Variants in GULP1 observed in about 807,000 individuals in gnomAD.
GULP1 encodes PTB domain-containing engulfment adapter protein 1.
In GULP1, 19 loss-of-function variants were observed where a neutral mutation model predicts 40.9. The ratio of observed to expected loss-of-function variants is 0.46; its 90% confidence interval spans 0.32 to 0.68. The LOEUF is 0.68. Ranked by LOEUF, GULP1 falls within the 30% of genes least tolerant of loss-of-function variation. The pLI is 0.03. For synonymous variants in GULP1, 119 were observed against 117.6 expected (o/e 1.01, Z -0.08); for missense variants, 312 against 362.2 (o/e 0.86, Z 1.12).
intron 2 of GULP1, among the ~76,000 whole-genome samples, chr2:188,449,477 A>C (rs2058663187): frequency 6.6e-6 from 1 of 152,188 alleles, no homozygotes; most frequent in Non-Finnish European, 1.5e-5. Context: ...GTGTAGAATG[A>C]ATACTAATTA....
intron 1 of GULP1, among the ~76,000 whole-genome samples, chr2:188,321,964 A>G (rs2040049013): frequency 6.6e-6 from 1 of 152,100 alleles, no homozygotes; most frequent in Admixed American, 6.6e-5. Flanking sequence ...GCAGTGAGCC[A>G]AGATCGAGCA....
intron 2 of GULP1, among the ~76,000 whole-genome samples, chr2:188,477,093 C>G (rs563254315): frequency 6.6e-6 from 1 of 152,166 alleles, no homozygotes; most frequent in South Asian, 2.1e-4. Flanking sequence ...ATTTAGATCC[C>G]ATGCTATATC....
chr2:188,413,469 G>C (rs957515792), intron 2 of GULP1, among the ~76,000 whole-genome samples: 5 of 152,014 alleles, frequency 3.3e-5, no homozygotes, highest in African/African-American at 1.2e-4. Context: ...TGTGTCTTTT[G>C]GCTGCATAAA....
chr2:188,478,339 T>C (rs962612455), intron 3 of GULP1, among the ~76,000 whole-genome samples: 1 of 152,118 alleles, frequency 6.6e-6, no homozygotes, highest in Admixed American at 6.6e-5. Flanking sequence ...CAAACTATTT[T>C]ATGATGCACT....
At chr2:188,484,322 T>G (rs2061683224) in intron 4 of GULP1, among the ~76,000 whole-genome samples, 1 of 152,166 alleles carries the variant, frequency 6.6e-6, no homozygotes, top group South Asian at 2.1e-4. Flanking sequence ...TCTTTAAAGA[T>G]TTCATTTGTT....
chr2:188,308,334 A>G (rs999321776), intron 1 of GULP1, among the ~76,000 whole-genome samples: 8 of 152,226 alleles, frequency 5.3e-5, no homozygotes, highest in African/African-American at 1.7e-4. Context: ...TTGTAAATGT[A>G]CATGGGAAAG....
chr2:188,577,830 A>G (rs983617522), intron 9 of GULP1, among the ~76,000 whole-genome samples: 1 of 152,098 alleles, frequency 6.6e-6, no homozygotes, highest in African/African-American at 2.4e-5. Flanking sequence ...GATATTGAAG[A>G]TACATTATAA....
At chr2:188,324,576 A>G (rs926341905) in intron 1 of GULP1, among the ~76,000 whole-genome samples, 1 of 152,032 alleles carries the variant, frequency 6.6e-6, no homozygotes, top group Non-Finnish European at 1.5e-5. Context: ...TATTTAAACA[A>G]TTTAAATTGG....
intron 5 of GULP1, among the ~76,000 whole-genome samples, chr2:188,526,818 A>G (rs1686275458): frequency 6.6e-6 from 1 of 152,252 alleles, no homozygotes; most frequent in South Asian, 2.1e-4. Context: ...TATCTGCAAA[A>G]CTAATTACTA....
intron 1 of GULP1, among the ~76,000 whole-genome samples, chr2:188,315,170 C>T (rs368044598): frequency 7.2e-5 from 11 of 152,110 alleles, no homozygotes; most frequent in South Asian, 2.1e-4. Flanking sequence ...GAAATTGTAA[C>T]GAAGGAAAAG....
chr2:188,578,444 G>A (rs935842488), intron 9 of GULP1, among the ~76,000 whole-genome samples: 1 of 151,770 alleles, frequency 6.6e-6, no homozygotes, highest in African/African-American at 2.4e-5. Context: ...TAGATGACAG[G>A]TTGATAGGTG....
chr2:188,392,087 C>A (rs2050603957), intron 2 of GULP1, among the ~76,000 whole-genome samples: 1 of 151,902 alleles, frequency 6.6e-6, no homozygotes, highest in South Asian at 2.1e-4. Flanking sequence ...TTATTATGTC[C>A]TTTCCTCACT....
At chr2:188,449,432 C>T (rs1185720784) in intron 2 of GULP1, among the ~76,000 whole-genome samples, 2 of 152,074 alleles carry the variant, frequency 1.3e-5, no homozygotes, top group Non-Finnish European at 2.9e-5. Context: ...CCTGCAACCC[C>T]AATACATCTA....
chr2:188,592,165 T>C (rs1703689815), intron 11 of GULP1: 1 of 151,976 alleles, frequency 6.6e-6, no homozygotes, highest in Admixed American at 6.6e-5. Flanking sequence ...GATAACACAT[T>C]GACAAATAGT....
At chr2:188,388,018 T>C (rs2152531693) in intron 2 of GULP1, among the ~76,000 whole-genome samples, 1 of 151,834 alleles carries the variant, frequency 6.6e-6, no homozygotes, top group South Asian at 2.1e-4. Context: ...CTCCTAATGC[T>C]ATCCCTCCCG....
At chr2:188,539,525 CTAAG>C (rs1689878090) in intron 6 of GULP1, among the ~76,000 whole-genome samples, 1 of 152,092 alleles carries the variant, frequency 6.6e-6, no homozygotes, top group Non-Finnish European at 1.5e-5. Flanking sequence ...CCATCAAAAG[CTAAG>C]TAAGTCAAGC....
chr2:188,364,025 A>C (rs1426509164), intron 1 of GULP1, among the ~76,000 whole-genome samples: 1 of 152,204 alleles, frequency 6.6e-6, no homozygotes, highest in Non-Finnish European at 1.5e-5. Flanking sequence ...CATTCAGTGC[A>C]CTTAATGTGT....
chr2:188,424,760 A>G (rs62183213), intron 2 of GULP1, among the ~76,000 whole-genome samples: 73,619 of 151,566 alleles, frequency 0.49, 18,338 homozygotes, highest in East Asian at 0.69. Flanking sequence ...AAGTTTTTCC[A>G]TAATTTTTTT....
chr2:188,387,394 G>A (rs1160050574), intron 2 of GULP1, among the ~76,000 whole-genome samples: 4 of 152,194 alleles, frequency 2.6e-5, no homozygotes, highest in African/African-American at 7.2e-5. Flanking sequence ...TGGCAGTGAG[G>A]ATGGTAAACA....
Sources: allele counts gnomAD v4.1 joint callset (sites outside exome capture counted in the v4.1 genomes callset), GRCh38; gene constraint gnomAD v4.1.1; transcripts MANE v1.5; gene names NCBI Gene and HGNC (gene_info 2026-07-23, HGNC 2026-07-21).